AFF3: variants seen among roughly 807,000 people sequenced by gnomAD.
AFF3 encodes the protein ALF transcription elongation factor 3.
In AFF3, 32 loss-of-function variants were observed where a neutral mutation model predicts 129.7. The ratio of observed to expected loss-of-function variants is 0.25; its 90% CI spans 0.19 to 0.33. The LOEUF (loss-of-function observed/expected upper bound fraction) is 0.33. AFF3 is among the 10% of genes least tolerant of loss of function. AFF3 has a pLI of 1.00. For synonymous variants in AFF3, 644 were observed against 635.4 expected, an observed-to-expected ratio of 1.01 and a Z score of -0.20; for missense variants, 1,373 against 1,592.0, an observed-to-expected ratio of 0.86 and a Z score of 2.34.
chr2:99,779,878 C>T (rs1375994362), intron 8 of AFF3, among the ~76,000 whole-genome samples: 4 of 152,350 alleles, frequency 2.6e-5, no homozygotes, highest in Admixed American at 6.5e-5. Flanking sequence ...GGCAGAGCCA[C>T]GACCTGGATT....
intron 7 of AFF3, among the ~76,000 whole-genome samples, chr2:99,859,609 T>C (rs1690817542): frequency 6.6e-6 from 1 of 152,262 alleles, no homozygotes; most frequent in African/African-American, 2.4e-5. Context: ...TTCCTAATTT[T>C]TGTTTTCTAT....
At chr2:99,705,332 G>A (rs1337378206) in intron 11 of AFF3, among the ~76,000 whole-genome samples, 1 of 152,072 alleles carries the variant, frequency 6.6e-6, no homozygotes, top group Admixed American at 6.6e-5. Flanking sequence ...ATATGGAAAT[G>A]TTATAAGCCT....
At chr2:99,698,572 T>G (rs951803423) in intron 11 of AFF3, among the ~76,000 whole-genome samples, 4 of 152,212 alleles carry the variant, frequency 2.6e-5, no homozygotes, top group Non-Finnish European at 2.9e-5. Context: ...TCAGTTTAGG[T>G]TCTGCCAATA....
chr2:99,736,687 G>A (rs934108738), intron 10 of AFF3, among the ~76,000 whole-genome samples: 2 of 141,706 alleles, frequency 1.4e-5, no homozygotes, highest in Non-Finnish European at 3.0e-5. Flanking sequence ...TTGGCTCACT[G>A]CAACCTCCAC....
intron 7 of AFF3, among the ~76,000 whole-genome samples, chr2:99,984,075 T>C (rs1056350237): frequency 1.4e-4 from 21 of 152,204 alleles, no homozygotes; most frequent in African/African-American, 9.6e-5. Flanking sequence ...TGCCCCCAGA[T>C]TGTAAGAATA....
At chr2:99,580,180 T>G (rs568209210) in intron 17 of AFF3, among the ~76,000 whole-genome samples, 160 of 152,200 alleles carry the variant, frequency 1.1e-3, no homozygotes, top group Non-Finnish European at 2.1e-3. Context: ...CTGCTTCCTC[T>G]GCCTGTAATG....
At chr2:99,969,177 A>G (rs566918107) in intron 7 of AFF3, among the ~76,000 whole-genome samples, 1 of 152,290 alleles carries the variant, frequency 6.6e-6, no homozygotes, top group South Asian at 2.1e-4. Flanking sequence ...CCCAGCACAT[A>G]TTCCGCCTCT....
intron 7 of AFF3, among the ~76,000 whole-genome samples, chr2:99,848,048 A>G (rs6743473): frequency 0.8 from 121,170 of 151,954 alleles, 48,870 homozygotes; most frequent in South Asian, 0.93. Flanking sequence ...TCAGGAGGCC[A>G]ACGTGGGGGG....
intron 8 of AFF3, among the ~76,000 whole-genome samples, chr2:99,781,622 T>C (rs972673699): frequency 6.6e-6 from 1 of 152,218 alleles, no homozygotes; most frequent in African/African-American, 2.4e-5. Context: ...AGAGACTGGA[T>C]GGCCCTCAAA....
At chr2:100,036,102 A>C (rs1259435411) in intron 4 of AFF3, among the ~76,000 whole-genome samples, 1 of 150,664 alleles carries the variant, frequency 6.6e-6, no homozygotes, top group Non-Finnish European at 1.5e-5. Flanking sequence ...TCAAAACCAA[A>C]AATGTGTGCC....
intron 7 of AFF3, among the ~76,000 whole-genome samples, chr2:99,848,058 G>A (rs536878062): frequency 6.6e-6 from 1 of 152,052 alleles, no homozygotes; most frequent in South Asian, 2.1e-4. Context: ...AACGTGGGGG[G>A]ATCACCTGAG....
At chr2:99,671,341 C>T (rs1436583563) in intron 12 of AFF3, among the ~76,000 whole-genome samples, 11 of 152,138 alleles carry the variant, frequency 7.2e-5, no homozygotes, top group Admixed American at 3.3e-4. Flanking sequence ...GTAAAACACT[C>T]GAAGCCTGAG....
rs1446094405 is a variant in AFF3, at chr2:99,947,573, GAAAAGA to G, written c.873+59053_873+59058del. 4.4e-3 allele frequency among the ~76,000 whole-genome samples: 650 copies of G among 146,504 alleles called. 4 individuals are homozygous for G. The highest frequency in any genetic ancestry group is 0.016 in the African/African-American group (621 of 38,438). ...AGAAAGAGAGAGAAAGAGAAAGAAA[GAAAAGA>G]AAAGAAAGAAAGAAAGAAAGAAAGA... is the stretch of plus-strand genomic sequence containing the variant. On this transcript the variant is annotated intron_variant, in intron 7 of 24. Coordinates refer to ENST00000672756, the MANE Select transcript of AFF3 (RefSeq NM_001386135.1).
chr2:99,944,303 C>T (rs1161642884), intron 7 of AFF3, among the ~76,000 whole-genome samples: 1 of 152,194 alleles, frequency 6.6e-6, no homozygotes, highest in Non-Finnish European at 1.5e-5. Flanking sequence ...TGTCAGATAA[C>T]ATGTATTGAC....
intron 13 of AFF3, among the ~76,000 whole-genome samples, chr2:99,640,214 A>T (rs865957101): frequency 6.6e-6 from 1 of 152,298 alleles, no homozygotes; most frequent in African/African-American, 2.4e-5. Context: ...CAATGTAAAA[A>T]CATGCCCCAT....
At chr2:99,829,733 G>C (rs1023426724) in intron 8 of AFF3, among the ~76,000 whole-genome samples, 7 of 152,146 alleles carry the variant, frequency 4.6e-5, no homozygotes, top group African/African-American at 1.7e-4. Flanking sequence ...GATTCCTCAA[G>C]GATCTAGAAC....
chr2:99,675,421 G>A (rs1043955354), intron 11 of AFF3, among the ~76,000 whole-genome samples: 2 of 152,128 alleles, frequency 1.3e-5, no homozygotes, highest in Non-Finnish European at 2.9e-5. Flanking sequence ...TCCCAGCCCC[G>A]ACAGGCACAG....
intron 2 of AFF3, among the ~76,000 whole-genome samples, chr2:100,125,171 G>A (rs562308218): frequency 1.3e-5 from 2 of 152,236 alleles, no homozygotes; most frequent in East Asian, 3.9e-4. Context: ...AATGAGAAAT[G>A]GAGATTTAGC....
intron 10 of AFF3, among the ~76,000 whole-genome samples, chr2:99,729,958 AAG>A (rs1558793550): frequency 2.0e-5 from 3 of 152,122 alleles, no homozygotes; most frequent in African/African-American, 7.2e-5. Flanking sequence ...TACAGAGAGG[AAG>A]AGGGGAAAAA....
Sources: gnomAD v4.1 joint callset for allele counts (sites outside exome capture counted in the v4.1 genomes callset) on GRCh38, gnomAD v4.1.1 for gene constraint, MANE v1.5 for transcripts, NCBI Gene and HGNC (gene_info 2026-07-23, HGNC 2026-07-21) for gene names.